Variants in GSG1L observed in about 807,000 individuals in gnomAD.
GSG1L encodes the protein GSG1 like.
In GSG1L, 24 loss-of-function variants were observed where a neutral mutation model predicts 42.1. The observed-to-expected ratio is 0.57, with a 90% CI of 0.41 to 0.80. GSG1L has a LOEUF of 0.80. Ranked by LOEUF, GSG1L falls within the 30% of genes least tolerant of loss-of-function variation. GSG1L has a pLI of 0.00. For missense variants in GSG1L, 445 were observed against 472.2 expected (o/e 0.94, Z 0.53); for synonymous variants, 215 against 203.5 (o/e 1.06, Z -0.48).
At chr16:28,030,137 C>G (rs749104042) in intron 1 of GSG1L, among the ~76,000 whole-genome samples, 9 of 152,204 alleles carry the variant, frequency 5.9e-5, no homozygotes, top group Non-Finnish European at 1.2e-4. Flanking sequence ...GTGGTTCTGC[C>G]TGCCAGCATC....
At position 27,935,047 on chromosome 16, in the gene GSG1L, A is replaced by AGGAG. The variant is rs1339036407; in HGVS notation, c.397+28105_397+28108dup. 2.6e-5 allele frequency among the ~76,000 whole-genome samples: 4 copies of AGGAG among 152,364 alleles called. No individual in the cohort carries two copies. The East Asian group carries it at 7.7e-4, about 29-fold the overall frequency. ...AAACGAGATCATTTCGGGGATTTGC[A>AGGAG]GGAGGGACAAAGCAAGGTGACTTGA... On this transcript the variant is annotated intron_variant, in intron 2 of 6. Coordinates refer to ENST00000447459, the MANE Select transcript of GSG1L (RefSeq NM_001109763.2).
chr16:27,934,954 C>T lies in GSG1L; in HGVS notation c.397+28202G>A, dbSNP rs1052137535. On this transcript the variant is annotated intron_variant, in intron 2 of 6. Coordinates refer to ENST00000447459, the MANE Select transcript of GSG1L (RefSeq NM_001109763.2). The stretch of plus-strand genomic sequence containing the variant: ...GGGATTTGGCATTGAACAAGACAGG[C>T]AAGGCAGTGCCCTTGTGGAGTTCAA... Among the ~76,000 whole-genome samples, 6 of 152,298 alleles carry T rather than the reference C, an allele frequency of 3.9e-5. No homozygotes were observed. The South Asian group carries it at 1.0e-3, about 26-fold the overall frequency.
At chr16:28,050,232 T>A (rs1296684117) in intron 1 of GSG1L, among the ~76,000 whole-genome samples, 2 of 151,936 alleles carry the variant, frequency 1.3e-5, no homozygotes, top group Non-Finnish European at 2.9e-5. Flanking sequence ...CAGCCTGGAG[T>A]GCAGTGGTGC....
chr16:27,985,695 C>G (rs2085374346), intron 1 of GSG1L, among the ~76,000 whole-genome samples: 1 of 151,584 alleles, frequency 6.6e-6, no homozygotes, highest in Admixed American at 6.6e-5. Flanking sequence ...AAAAAAAATA[C>G]AAAGTTAGCC....
At chr16:27,934,962 T>C (rs886259351) in intron 2 of GSG1L, among the ~76,000 whole-genome samples, 2 of 152,234 alleles carry the variant, frequency 1.3e-5, no homozygotes, top group Admixed American at 1.3e-4. Context: ...GGCAAGGCAG[T>C]GCCCTTGTGG....
In GSG1L at chr16:27,828,895, T is replaced by C; in HGVS notation, c.724A>G (p.Thr242Ala). ...TGCCGGAACTCAATGACCGTCTTGG[T>C]GTAGGAGTTGAGCGTGGTGACAGAG... Reference protein sequence around the residue: ...AASVTTLNSYTKTVIEFRHKR... With the variant: ...AASVTTLNSYAKTVIEFRHKR... The change falls in exon 5 of 7, where the codon ACC becomes GCC. Residue 242 changes from threonine (T) to alanine (A), a missense_variant. Physicochemically the swap from Thr to Ala is moderately conservative, Grantham distance 58 (BLOSUM62 0). Around this residue, in one of 3 missense-constraint regions of GSG1L, gnomAD observed 149 missense variants for 223.3 expected, o/e 0.67. Transcript: ENST00000447459. The C allele has an allele frequency of 1.2e-6, 2 of 1,614,176 alleles. No homozygotes were observed. Among genetic ancestry groups the C allele is most frequent in the South Asian group, 1.1e-5 (1 of 91,080 alleles).
intron 1 of GSG1L, among the ~76,000 whole-genome samples, chr16:28,012,893 CA>C (rs34003980): frequency 9.3e-4 from 119 of 128,464 alleles, no homozygotes; most frequent in South Asian, 2.9e-3. Flanking sequence ...CAAGAACTCT[CA>C]AAAAAAAAAA....
chr16:27,879,211 G>A (rs35851960), intron 3 of GSG1L, among the ~76,000 whole-genome samples: 9,450 of 152,220 alleles, frequency 0.062, 360 homozygotes, highest in Middle Eastern at 0.095. Flanking sequence ...GCTGGCTATT[G>A]TGATTAATGA....
chr16:28,060,264 T>C (rs1161669423), intron 1 of GSG1L, among the ~76,000 whole-genome samples: 1 of 152,028 alleles, frequency 6.6e-6, no homozygotes, highest in Admixed American at 6.5e-5. Flanking sequence ...GAGGAAAGGT[T>C]GTCATGGCAA....
intron 1 of GSG1L, among the ~76,000 whole-genome samples, chr16:27,967,021 G>A (rs1019346905): frequency 2.0e-5 from 3 of 152,062 alleles, no homozygotes; most frequent in Non-Finnish European, 4.4e-5. Flanking sequence ...TGGCCCCTGC[G>A]ACACTAGACT....
intron 2 of GSG1L, among the ~76,000 whole-genome samples, chr16:27,918,190 T>G (rs1013982814): frequency 3.9e-5 from 6 of 152,134 alleles, no homozygotes; most frequent in African/African-American, 1.4e-4. Flanking sequence ...CAGGGGAATG[T>G]GATGCTTTGA....
intron 2 of GSG1L, among the ~76,000 whole-genome samples, chr16:27,936,844 C>T (rs1340684435): frequency 6.6e-6 from 1 of 152,208 alleles, no homozygotes; most frequent in Non-Finnish European, 1.5e-5. Flanking sequence ...GCAAGGGCCA[C>T]TCCCCGCCAA....
intron 1 of GSG1L, among the ~76,000 whole-genome samples, chr16:28,029,812 AT>A (rs1237376095): frequency 6.6e-6 from 1 of 152,180 alleles, no homozygotes; most frequent in Non-Finnish European, 1.5e-5. Flanking sequence ...CTGAGTCAGG[AT>A]TTTACTCTGG....
chr16:28,043,784 G>A (rs1187224123), intron 1 of GSG1L, among the ~76,000 whole-genome samples: 2 of 152,204 alleles, frequency 1.3e-5, no homozygotes, highest in East Asian at 1.9e-4. Flanking sequence ...CACTTTGGGA[G>A]GCCAAAACAG....
chr16:27,944,209 C>T (rs968664757), intron 2 of GSG1L, among the ~76,000 whole-genome samples: 1 of 151,996 alleles, frequency 6.6e-6, no homozygotes, highest in Admixed American at 6.6e-5. Context: ...ATGTTATGCA[C>T]CTTGCTGCAT....
chr16:27,845,279 C>T (rs776414027), intron 3 of GSG1L, among the ~76,000 whole-genome samples: 4 of 152,202 alleles, frequency 2.6e-5, no homozygotes, highest in Admixed American at 6.5e-5. Flanking sequence ...CAGGGTCTTG[C>T]TCTGTTGCCA....
In GSG1L at chr16:27,884,480, C is replaced by A; in HGVS notation, c.550+6G>T. On this transcript the variant is annotated splice_donor_region_variant and intron_variant, in intron 3 of 6. Transcript: ENST00000447459. This position sits in a 1 kb window ranked among gnomAD's most constrained non-coding sequence, Gnocchi z 4.4. The stretch of plus-strand genomic sequence containing the variant: ...CTGAGAGGCCACAGGACCAGCCATG[C>A]CTTACCTGAGAGCACCGTGAAGACA... The A allele has an allele frequency of 1.2e-6, 2 of 1,612,392 alleles. No homozygotes were observed. The highest frequency in any genetic ancestry group is 8.5e-7 in the Non-Finnish European group (1 of 1,179,178).
At chr16:27,850,311 G>A (rs1233510322) in intron 3 of GSG1L, among the ~76,000 whole-genome samples, 1 of 152,250 alleles carries the variant, frequency 6.6e-6, no homozygotes, top group East Asian at 1.9e-4. Flanking sequence ...ACAGGCGTGA[G>A]CCACCGTGCC....
chr16:27,864,649 C>A (rs2083693727), intron 3 of GSG1L, among the ~76,000 whole-genome samples: 1 of 152,210 alleles, frequency 6.6e-6, no homozygotes, highest in Middle Eastern at 3.2e-3. Context: ...TCAGATTGAA[C>A]AAGTTTCCGC....
Sources: allele counts gnomAD v4.1 joint callset (sites outside exome capture counted in the v4.1 genomes callset), GRCh38; gene constraint gnomAD v4.1.1; regional missense constraint gnomAD v4.1.1; non-coding constraint Gnocchi (gnomAD v3.1); transcripts MANE v1.5; gene names NCBI Gene and HGNC (gene_info 2026-07-23, HGNC 2026-07-21).